Variants in LRRC53 observed in about 807,000 individuals in gnomAD.
LRRC53 encodes the protein leucine-rich repeat-containing protein 53.
In LRRC53, 25 loss-of-function variants were observed where a neutral mutation model predicts 13.6. That is an observed-to-expected ratio of 1.83 (90% CI 1.34 to 2.56). LRRC53 has a LOEUF of 2.56. Ranked by LOEUF, LRRC53 falls within the 30% of genes most tolerant of loss-of-function variation. The pLI, the probability that LRRC53 is intolerant of heterozygous loss-of-function variation, is 0.00. For synonymous variants in LRRC53, 204 were observed against 109.8 expected (o/e 1.86, Z -5.37); for missense variants, 527 against 275.8 (o/e 1.91, Z -6.45).
At chr1:74,475,096 C>T (rs925805824) in intron 4 of LRRC53, among the ~76,000 whole-genome samples, 199 bp downstream of exon 4, 2 of 146,964 alleles carry the variant, frequency 1.4e-5, no homozygotes, top group African/African-American at 5.0e-5. Flanking sequence ...AAAGTAAGAA[C>T]ACTTCATCTC....
At chr1:74,521,941 A>G in the LRRC53 span, among the ~76,000 whole-genome samples, 1 of 152,154 alleles carries the variant, frequency 6.6e-6, no homozygotes, top group African/African-American at 2.4e-5. Flanking sequence ...CTGGGGCTGC[A>G]TCCAACTGTT....
chr1:74,503,360 A>G (rs1034066189), intron 1 of LRRC53, among the ~76,000 whole-genome samples: 2 of 152,364 alleles, frequency 1.3e-5, no homozygotes, highest in Admixed American at 6.5e-5. Context: ...TTACTTATTC[A>G]AAGAATGCTG....
chr1:74,471,607 G>A lies in LRRC53; in HGVS notation c.2015C>T (p.Thr672Ile), dbSNP rs550098005. ...KRQKNQSNQL[T>I]KLDVKKFSNT... The stretch of plus-strand genomic sequence containing the variant: ...GCTAAATTTTTTAACATCCAACTTA[G>A]TCAGTTGGTTACTTTGATTTTTCTG... Residue 672 changes from threonine to isoleucine, a missense_variant, in exon 5 of 5, where the codon ACT (threonine) becomes ATT (isoleucine). Transcript: ENST00000294635. The A allele has an allele frequency of 2.2e-5, 9 of 400,546 alleles. No individual in the cohort carries two copies. Among genetic ancestry groups the A allele is most frequent in the Non-Finnish European group, 4.0e-5 (9 of 226,248 alleles). 24.8% of individuals were successfully genotyped at this position (400,546 alleles called of 1,614,324 possible). A position where few individuals can be genotyped will look rare whatever the true frequency, so the allele number is the denominator to read the frequency against.
intron 1 of LRRC53, among the ~76,000 whole-genome samples, chr1:74,490,705 A>G (rs1669026218): frequency 6.6e-6 from 1 of 152,170 alleles, no homozygotes; most frequent in Non-Finnish European, 1.5e-5. Context: ...CTTTTCAGTC[A>G]ACGGTTTAGA....
At chr1:74,520,335 C>T in the LRRC53 span, among the ~76,000 whole-genome samples, 594 of 152,214 alleles carry the variant, frequency 3.9e-3, 7 homozygotes, top group African/African-American at 0.013. Flanking sequence ...GACCTCGCTT[C>T]CGACTTTTCT....
intron 1 of LRRC53, among the ~76,000 whole-genome samples, chr1:74,485,832 A>C (rs1387263509): frequency 6.6e-6 from 1 of 152,168 alleles, no homozygotes; most frequent in South Asian, 2.1e-4. Flanking sequence ...TGGGCAACAG[A>C]TGGCAAGAAA....
intron 1 of LRRC53, among the ~76,000 whole-genome samples, chr1:74,493,115 A>G (rs1669159617): frequency 6.6e-6 from 1 of 152,168 alleles, no homozygotes; most frequent in South Asian, 2.1e-4. Flanking sequence ...TAGGGTTTCA[A>G]CATATGAATT....
chr1:74,472,292 A>C (rs1372696788), intron 4 of LRRC53, 91 bp from the exon 5 acceptor site: 2 of 645,578 alleles, frequency 3.1e-6, no homozygotes, highest in Non-Finnish European at 5.6e-6. Flanking sequence ...AAAAGTATAA[A>C]ACTGACTCCT....
At chr1:74,511,256 G>C (rs1206676127) in intron 1 of LRRC53, among the ~76,000 whole-genome samples, 1 of 151,396 alleles carries the variant, frequency 6.6e-6, no homozygotes, top group South Asian at 2.1e-4. Context: ...GCAATGGTGC[G>C]ATCTCGGCTC....
At chr1:74,491,690 A>ATGAAGGGAATAATTTCATG (rs778022406) in intron 1 of LRRC53, among the ~76,000 whole-genome samples, 2 of 152,246 alleles carry the variant, frequency 1.3e-5, no homozygotes, top group Non-Finnish European at 2.9e-5. Context: ...TTCATTTTAC[A>ATGAAGGGAATAATTTCATG]TGAAGGGAAT....
At chr1:74,531,330 A>G in the LRRC53 span, among the ~76,000 whole-genome samples, 21 of 152,370 alleles carry the variant, frequency 1.4e-4, no homozygotes, top group Non-Finnish European at 2.9e-4. Context: ...ATGAATAAAT[A>G]AACATATTGA....
rs1002945706 is a variant in LRRC53 at position 74,470,063 on chromosome 1, C to A, written c.3559G>T (p.Ala1187Ser). The A allele has an allele frequency of 5.0e-6, 2 of 400,534 alleles. No individual in the cohort carries two copies. The highest frequency in any genetic ancestry group is 4.4e-5 in the Admixed American group (1 of 22,712). 24.8% of individuals were successfully genotyped at this position (400,534 alleles called of 1,614,324 possible). A position where few individuals can be genotyped will look rare whatever the true frequency, so the allele number is the denominator to read the frequency against. ...GCTTCATGTGTCTCCACTGTCATTG[C>A]GCCTTCTTTATGTGCACTATCTTTA... ...PDKDSAHKEG[A>S]MTVETHEALS... The change falls in exon 5 of 5, where the codon GCA becomes TCA. Residue 1187 changes from alanine (A) to serine (S), a missense_variant. Transcript: ENST00000294635.
At chr1:74,531,959 G>T in the LRRC53 span, among the ~76,000 whole-genome samples, 1 of 152,176 alleles carries the variant, frequency 6.6e-6, no homozygotes, top group African/African-American at 2.4e-5. Context: ...ATCATCCAGA[G>T]TACAGGTAGC....
rs1282994954 is a variant in LRRC53, at chr1:74,469,521, C to T, written c.*357G>A. 5.9e-6 allele frequency: 1 copy of T among 168,976 alleles called. No homozygotes were observed. The highest frequency in any genetic ancestry group is 2.4e-5 in the African/African-American group (1 of 42,180). The allele number at this position is 168,976 out of a possible 1,614,324, so 10.5% of individuals were successfully genotyped here. The stretch of plus-strand genomic sequence containing the variant: ...TGTATAATAATTTACATGAAATAAA[C>T]ATCAAATGTAAATCTGCTCAAATAC... On this transcript the variant is annotated 3_prime_UTR_variant, in exon 5 of 5. Transcript: ENST00000294635.
Position 74,475,484 on chromosome 1 carries a change from T to C in LRRC53, c.1231A>G (p.Ser411Gly), listed in dbSNP as rs372763503. The C allele has an allele frequency of 3.8e-5, 27 of 716,936 alleles. No homozygotes were observed. The highest frequency in any genetic ancestry group is 2.5e-4 in the South Asian group (17 of 67,576). The allele number at this position is 716,936 out of a possible 1,614,324, so 44.4% of individuals were successfully genotyped here. ...NLKKKDRGVG[S>G]TLFCQDGRLL... ...CTACCATCCTGGCAAAATAAAGTGC[T>C]GCCTACCCCACGGTCTTTCTTTTTC... is the stretch of plus-strand genomic sequence containing the variant. The change falls in exon 4 of 5, where the codon AGC becomes GGC. Residue 411 changes from serine (S) to glycine (G), a missense_variant. Coordinates refer to ENST00000294635, the MANE Select transcript of LRRC53 (RefSeq NM_001382280.1).
the LRRC53 span, among the ~76,000 whole-genome samples, chr1:74,534,352 A>C: frequency 6.6e-6 from 1 of 152,210 alleles, no homozygotes; most frequent in African/African-American, 2.4e-5. Flanking sequence ...CTGCATACCC[A>C]TCTGAAGTCT....
the LRRC53 span, among the ~76,000 whole-genome samples, chr1:74,530,725 T>G: frequency 3.0e-5 from 1 of 33,340 alleles, no homozygotes; most frequent in African/African-American, 2.7e-4. Context: ...CTCAAAAAGT[T>G]TTTTTTTTTT....
At chr1:74,503,191 A>G (rs942108961) in intron 1 of LRRC53, among the ~76,000 whole-genome samples, 4 of 152,224 alleles carry the variant, frequency 2.6e-5, no homozygotes, top group South Asian at 2.1e-4. Context: ...TGAAAGTCCA[A>G]GAGTTTTTCA....
At chr1:74,515,965 A>G (rs931442310), upstream of LRRC53, among the ~76,000 whole-genome samples, 2 of 152,204 alleles carry the variant, frequency 1.3e-5, no homozygotes, top group African/African-American at 4.8e-5. Context: ...AGAAGAAGGG[A>G]CTTGCCTTTG....
Sources: gnomAD v4.1 joint callset for allele counts (sites outside exome capture counted in the v4.1 genomes callset) on GRCh38, gnomAD v4.1.1 for gene constraint, MANE v1.5 for transcripts, NCBI Gene and HGNC (gene_info 2026-07-23, HGNC 2026-07-21) for gene names.